The following NTM variants were observed in gnomAD, a reference collection of about 807,000 sequenced individuals.
The protein encoded by NTM is IgLON family member 2.
NTM carries 13 observed loss-of-function variants against 42.1 expected under a neutral mutation model. The observed-to-expected ratio is 0.31, with a 90% CI of 0.20 to 0.49. The LOEUF (loss-of-function observed/expected upper bound fraction) is 0.49, where lower values mean the gene tolerates loss of function less well. NTM is among the 20% of genes least tolerant of loss of function. NTM has a pLI of 0.99. For synonymous variants in NTM, 187 were observed against 179.2 expected (o/e 1.04, Z -0.35); for missense variants, 373 against 452.8 (o/e 0.82, Z 1.60).
At chr11:131,691,428 G>A (rs988048477) in intron 1 of NTM, among the ~76,000 whole-genome samples, 1 of 152,154 alleles carries the variant, frequency 6.6e-6, no homozygotes, top group African/African-American at 2.4e-5. Flanking sequence ...GAGGAGCTCC[G>A]GGTCCAGGCT....
intron 1 of NTM, among the ~76,000 whole-genome samples, chr11:131,441,318 A>T (rs1949608898): frequency 1.3e-5 from 2 of 152,220 alleles, no homozygotes; most frequent in African/African-American, 4.8e-5. Context: ...GCTTCCCAGA[A>T]CTAAATTCCT....
At chr11:131,416,915 G>A (rs1947019325) in intron 1 of NTM, among the ~76,000 whole-genome samples, 1 of 152,184 alleles carries the variant, frequency 6.6e-6, no homozygotes, top group Non-Finnish European at 1.5e-5. Flanking sequence ...ATTTGGTGGC[G>A]AAATGATCAG....
chr11:132,334,610 A>G (rs959071117), intron 8 of NTM, among the ~76,000 whole-genome samples: 28 of 152,186 alleles, frequency 1.8e-4, no homozygotes, highest in Non-Finnish European at 2.5e-4. Flanking sequence ...CCACAGGCCA[A>G]GCAGCTGGAG....
chr11:132,236,319 G>A (rs988954195), intron 4 of NTM, among the ~76,000 whole-genome samples: 2 of 152,070 alleles, frequency 1.3e-5, no homozygotes, highest in African/African-American at 4.8e-5. Flanking sequence ...TAACTTTTGT[G>A]GCAATTTTTT....
intron 3 of NTM, among the ~76,000 whole-genome samples, chr11:132,186,222 G>A (rs2138149847): frequency 6.6e-6 from 1 of 152,320 alleles, no homozygotes; most frequent in African/African-American, 2.4e-5. Context: ...CCCAGCAGGA[G>A]CCTAAGTATT....
intron 1 of NTM, among the ~76,000 whole-genome samples, chr11:131,591,695 G>A (rs181682849): frequency 6.6e-6 from 1 of 152,318 alleles, no homozygotes; most frequent in Non-Finnish European, 1.5e-5. Context: ...TCAGTCACAT[G>A]GAGGAAGCTT....
In NTM at chr11:132,246,196, A is replaced by G. The variant is rs560917977; in HGVS notation, c.526+34049A>G. Among the ~76,000 whole-genome samples, 184 of 152,288 alleles carry G rather than the reference A, an allele frequency of 1.2e-3. 1 individual carries two copies. The highest frequency in any genetic ancestry group is 4.2e-3 in the African/African-American group (176 of 41,580). On this transcript the variant is annotated intron_variant, in intron 4 of 8. Coordinates refer to ENST00000683400, the MANE Select transcript of NTM (RefSeq NM_001352005.2). ...CAGAACTAAAGTGCTGATTCAGGCA[A>G]AGGGGCCTTTGCCGCACCTCCCGCA...
At chr11:132,197,244 A>G (rs528313078) in intron 3 of NTM, among the ~76,000 whole-genome samples, 46 of 151,526 alleles carry the variant, frequency 3.0e-4, no homozygotes, top group Admixed American at 5.9e-4. Flanking sequence ...TACTGCTGAA[A>G]GATTAAATTA....
chr11:131,835,482 A>G (rs548398075), intron 1 of NTM, among the ~76,000 whole-genome samples: 141 of 152,336 alleles, frequency 9.3e-4, no homozygotes, highest in Middle Eastern at 3.4e-3. Flanking sequence ...AAAAATGTGT[A>G]AAAGGACTCA....
Position 131,809,265 on chromosome 11 carries a change from G to A in NTM, c.83-102299G>A, listed in dbSNP as rs575550884. Among the ~76,000 whole-genome samples the A allele has an allele frequency of 1.0e-3, 152 of 152,292 alleles. 1 individual carries two copies. In the Middle Eastern group the frequency reaches 0.014, roughly 14 times the overall value. On this transcript the variant is annotated intron_variant, in intron 1 of 8. Transcript: ENST00000683400. ...ATACCATGCAATAACAGTGCTGATGGGTCAGCTGGTAAGTAGCCATCCTCC... is the reference window on the plus strand; with the variant it reads ...ATACCATGCAATAACAGTGCTGATGAGTCAGCTGGTAAGTAGCCATCCTCC...
intron 1 of NTM, among the ~76,000 whole-genome samples, chr11:131,565,792 C>T (rs1012154912): frequency 6.6e-6 from 1 of 152,186 alleles, no homozygotes; most frequent in Admixed American, 6.5e-5. Flanking sequence ...CCTGGGGCAC[C>T]TCACTGGAGT....
chr11:131,482,439 A>G (rs1362045886), intron 1 of NTM, among the ~76,000 whole-genome samples: 1 of 152,204 alleles, frequency 6.6e-6, no homozygotes, highest in African/African-American at 2.4e-5. Context: ...ACAGATCGAC[A>G]AAAGCGTGAC....
intron 1 of NTM, among the ~76,000 whole-genome samples, chr11:131,722,153 A>C (rs1309651932): frequency 6.6e-6 from 1 of 152,206 alleles, no homozygotes; most frequent in Non-Finnish European, 1.5e-5. Flanking sequence ...AACACATGCA[A>C]ATATCATTAT....
At chr11:131,611,330 T>C (rs2061447678) in intron 1 of NTM, among the ~76,000 whole-genome samples, 1 of 152,326 alleles carries the variant, frequency 6.6e-6, no homozygotes, top group Non-Finnish European at 1.5e-5. Flanking sequence ...CAATTAGAAC[T>C]TGAGCTTCAA....
At chr11:131,598,864 C>CCTT (rs1324847916) in intron 1 of NTM, among the ~76,000 whole-genome samples, 6 of 38,888 alleles carry the variant, frequency 1.5e-4, no homozygotes, top group African/African-American at 4.1e-4. Context: ...TTCCTTCCTT[C>CCTT]CTTCCTTCCT....
rs186347090 is a variant in NTM, at chr11:131,695,681, A to G, written c.83-215883A>G. ...ACTTCACCGGCATGCCCACCTTGAG[A>G]ACTAGGGGATGGAGCAGCGGGTCGG... On this transcript the variant is annotated intron_variant, in intron 1 of 8. Transcript: ENST00000683400. 2.7e-3 allele frequency among the ~76,000 whole-genome samples: 411 copies of G among 152,238 alleles called. 1 individual carries two copies. Among genetic ancestry groups the G allele is most frequent in the African/African-American group, 9.2e-3 (383 of 41,548 alleles).
intron 1 of NTM, among the ~76,000 whole-genome samples, chr11:131,697,298 G>A (rs61140171): frequency 0.11 from 16,302 of 152,228 alleles, 2,849 homozygotes; most frequent in African/African-American, 0.36. Flanking sequence ...TGAGGGCTGC[G>A]GCCTGTGCCA....
intron 2 of NTM, among the ~76,000 whole-genome samples, chr11:132,137,255 T>C (rs780920003): frequency 8.5e-5 from 13 of 152,172 alleles, no homozygotes; most frequent in Admixed American, 2.6e-4. Context: ...AGGGCAGGAC[T>C]GGAGACAAAG....
At chr11:131,549,940 G>T (rs2054441618) in intron 1 of NTM, among the ~76,000 whole-genome samples, 1 of 152,192 alleles carries the variant, frequency 6.6e-6, no homozygotes, top group South Asian at 2.1e-4. Context: ...TATTATGCTA[G>T]TACAGCTAAG....
Sources: gnomAD v4.1 joint callset for allele counts (sites outside exome capture counted in the v4.1 genomes callset) on GRCh38, gnomAD v4.1.1 for gene constraint, MANE v1.5 for transcripts, NCBI Gene and HGNC (gene_info 2026-07-23, HGNC 2026-07-21) for gene names.